Variants in FBXO36 observed in about 807,000 individuals in gnomAD.
The protein encoded by FBXO36 is F-box only protein 36.
FBXO36 carries 18 observed loss-of-function variants against 17.0 expected under a neutral mutation model. The ratio of observed to expected loss-of-function variants is 1.06; its 90% CI spans 0.73 to 1.57. The LOEUF (loss-of-function observed/expected upper bound fraction) is 1.57. FBXO36 is among the 40% of genes most tolerant of loss of function. FBXO36 has a pLI of 0.00. For synonymous variants in FBXO36, 83 were observed against 85.3 expected, an observed-to-expected ratio of 0.97 and a Z score of 0.15; for missense variants, 229 against 221.9, an observed-to-expected ratio of 1.03 and a Z score of -0.20.
chr2:229,923,353 C>T (rs754110596), intron 1 of FBXO36: 2 of 152,168 alleles, frequency 1.3e-5, no homozygotes, highest in South Asian at 2.1e-4. Context: ...TTACTGTGTC[C>T]ATGAAATTCT....
chr2:229,982,778 C>CAAA (rs58999886), intron 2 of FBXO36, among the ~76,000 whole-genome samples: 1 of 78,738 alleles, frequency 1.3e-5, no homozygotes, highest in African/African-American at 4.8e-5. Flanking sequence ...GAGCTTGTCT[C>CAAA]AAAAAAAAAA....
chr2:229,999,165 C>T (rs1401127154), intron 3 of FBXO36, among the ~76,000 whole-genome samples: 1 of 130,450 alleles, frequency 7.7e-6, no homozygotes. Context: ...CTTTCTCTGT[C>T]GCCCAGGCCA....
chr2:229,949,989 G>T (rs1286575270), intron 1 of FBXO36, among the ~76,000 whole-genome samples: 1 of 152,182 alleles, frequency 6.6e-6, no homozygotes, highest in African/African-American at 2.4e-5. Flanking sequence ...CAGCCAACTG[G>T]AAGAAATTTT....
At chr2:230,005,308 C>T (rs942057550) in intron 3 of FBXO36, among the ~76,000 whole-genome samples, 6 of 152,028 alleles carry the variant, frequency 3.9e-5, no homozygotes, top group African/African-American at 4.8e-5. Context: ...TGCTATCTTG[C>T]CTTAGCTGGT....
chr2:229,947,093 G>A (rs1577334489), intron 1 of FBXO36, among the ~76,000 whole-genome samples: 2 of 151,394 alleles, frequency 1.3e-5, no homozygotes, highest in South Asian at 2.1e-4. Context: ...ACTTGAACCC[G>A]GGAGGCGGAG....
At chr2:229,926,569 C>A (rs2076913361) in intron 1 of FBXO36, among the ~76,000 whole-genome samples, 1 of 151,612 alleles carries the variant, frequency 6.6e-6, no homozygotes, top group Non-Finnish European at 1.5e-5. Context: ...CATGGTAAAA[C>A]CCTGTCTCTA....
chr2:230,002,086 C>T (rs953006782), intron 3 of FBXO36, among the ~76,000 whole-genome samples: 2 of 152,084 alleles, frequency 1.3e-5, no homozygotes, highest in Non-Finnish European at 2.9e-5. Flanking sequence ...GATCAGCCTG[C>T]CTCAGCTTCC....
intron 1 of FBXO36, among the ~76,000 whole-genome samples, chr2:229,966,795 A>T (rs950311553): frequency 3.3e-5 from 5 of 152,166 alleles, no homozygotes; most frequent in African/African-American, 4.8e-5. Flanking sequence ...CTTGTAGTAT[A>T]GTTTGAAGTC....
chr2:229,943,855 G>C (rs539734467), intron 1 of FBXO36, among the ~76,000 whole-genome samples: 1 of 152,172 alleles, frequency 6.6e-6, no homozygotes, highest in Non-Finnish European at 1.5e-5. Flanking sequence ...CCCCATCTCA[G>C]TTCAAATTGT....
chr2:229,929,376 A>G (rs1318038425), intron 1 of FBXO36, among the ~76,000 whole-genome samples: 1 of 151,826 alleles, frequency 6.6e-6, no homozygotes, highest in Non-Finnish European at 1.5e-5. Flanking sequence ...ATCCCGGCCA[A>G]CATGGTGAAA....
At chr2:229,930,236 C>T (rs1025470484) in intron 1 of FBXO36, among the ~76,000 whole-genome samples, 2 of 152,126 alleles carry the variant, frequency 1.3e-5, no homozygotes, top group African/African-American at 4.8e-5. Flanking sequence ...GTCCCAGCTA[C>T]GCAGGAGGCT....
chr2:229,927,866 T>C (rs886980977), intron 1 of FBXO36, among the ~76,000 whole-genome samples: 15 of 152,170 alleles, frequency 9.9e-5, no homozygotes, highest in South Asian at 2.1e-4. Context: ...CATGCCAGCC[T>C]GTGACAGGAA....
intron 1 of FBXO36, among the ~76,000 whole-genome samples, chr2:229,924,526 C>A (rs2076894518): frequency 6.6e-6 from 1 of 152,166 alleles, no homozygotes; most frequent in African/African-American, 2.4e-5. Context: ...ATTTTTACAG[C>A]CTTTAAAAAT....
At position 230,012,825 on chromosome 2, in the gene FBXO36, A is replaced by C. The variant is rs1434740149; in HGVS notation, c.*1941A>C. On this transcript the variant is annotated 3_prime_UTR_variant, in exon 4 of 4. Coordinates refer to ENST00000283946, the MANE Select transcript of FBXO36 (RefSeq NM_174899.5). ...AGATGATTAAAGCTTCATGTGTAGT[A>C]TTTTATCAACAAACAGATTCTGAAA... 1.3e-5 allele frequency: 2 copies of C among 151,786 alleles called. No homozygotes were observed. Among genetic ancestry groups the C allele is most frequent in the Non-Finnish European group, 2.9e-5 (2 of 67,890 alleles). 9.4% of individuals were successfully genotyped at this position (151,786 alleles called of 1,614,324 possible). A position where few individuals can be genotyped will look rare whatever the true frequency, so the allele number is the denominator to read the frequency against.
intron 3 of FBXO36, among the ~76,000 whole-genome samples, chr2:230,006,224 T>G (rs1466830951): frequency 7.3e-5 from 11 of 151,716 alleles, no homozygotes; most frequent in Non-Finnish European, 1.3e-4. Flanking sequence ...GCCTCCCAAG[T>G]AGCTGAGACT....
At chr2:229,942,716 C>T (rs2077006138) in intron 1 of FBXO36, 3 of 152,326 alleles carry the variant, frequency 2.0e-5, no homozygotes, top group African/African-American at 7.2e-5. Flanking sequence ...ACGCGTCCCT[C>T]GACTTTTGCT....
intron 1 of FBXO36, among the ~76,000 whole-genome samples, chr2:229,962,763 C>T (rs773074477): frequency 3.1e-4 from 47 of 151,534 alleles, no homozygotes; most frequent in African/African-American, 1.1e-3. Flanking sequence ...CTTCAACCTC[C>T]GCCTCCTGGG....
chr2:229,939,678 G>A (rs867842352), intron 1 of FBXO36, among the ~76,000 whole-genome samples: 1 of 152,148 alleles, frequency 6.6e-6, no homozygotes, highest in African/African-American at 2.4e-5. Context: ...ACCCTTTAAA[G>A]CCTCTGCTCC....
intron 1 of FBXO36, among the ~76,000 whole-genome samples, chr2:229,957,972 G>C (rs1228214869): frequency 1.3e-5 from 2 of 152,136 alleles, no homozygotes; most frequent in African/African-American, 4.8e-5. Context: ...TTTTGAAGAA[G>C]CAGCTTGTAG....
Sources: allele counts gnomAD v4.1 joint callset (sites outside exome capture counted in the v4.1 genomes callset), GRCh38; gene constraint gnomAD v4.1.1; transcripts MANE v1.5; gene names NCBI Gene and HGNC (gene_info 2026-07-23, HGNC 2026-07-21).